USP8: variants seen among roughly 807,000 people sequenced by gnomAD.
USP8 encodes the protein ubiquitin specific peptidase 8, also known as ubiquitin carboxyl-terminal hydrolase 8.
In USP8, 27 loss-of-function variants were observed where a neutral mutation model predicts 130.0. That is an observed-to-expected ratio of 0.21 (90% CI 0.15 to 0.29). The LOEUF (loss-of-function observed/expected upper bound fraction) is 0.29, where lower values mean the gene tolerates loss of function less well. Ranked by LOEUF, USP8 falls within the 10% of genes least tolerant of loss-of-function variation. USP8 has a pLI of 1.00. For synonymous variants in USP8, 392 were observed against 444.1 expected (o/e 0.88, Z 1.48); for missense variants, 1,029 against 1,312.2 (o/e 0.78, Z 3.33).
At chr15:50,493,876 A>C in intron 15 of USP8, 194 bp from the exon 16 acceptor site, 1 of 759,354 alleles carries the variant, frequency 1.3e-6, no homozygotes, top group African/African-American at 1.7e-5. Flanking sequence ...CTTGCAGCCA[A>C]AAGAAGGAAG....
chr15:50,442,099 C>T (rs11857185), intron 3 of USP8, among the ~76,000 whole-genome samples: 3,970 of 151,518 alleles, frequency 0.026, 86 homozygotes, highest in East Asian at 0.095. Flanking sequence ...CTCAGCCTCC[C>T]GAGTAACTGG....
Position 50,507,806 on chromosome 15 carries a change from C to T in USP8, c.*8718C>T, listed in dbSNP as rs779604460. The T allele has an allele frequency of 4.6e-5, 7 of 152,178 alleles. No homozygotes were observed. Among genetic ancestry groups the T allele is most frequent in the Non-Finnish European group, 8.8e-5 (6 of 68,056 alleles). The allele number at this position is 152,178 out of a possible 1,614,324, so 9.4% of individuals were successfully genotyped here. ...TTAGTTTAGGCCAGGCACGGTGGCT[C>T]ATGCCTGTAATCCCAGCACTTTGGG... On this transcript the variant is annotated 3_prime_UTR_variant, in exon 20 of 20. Coordinates refer to ENST00000307179, the MANE Select transcript of USP8 (RefSeq NM_005154.5).
chr15:50,493,968 A>G, intron 15 of USP8, 102 bp from the exon 16 acceptor site: 1 of 1,280,596 alleles, frequency 7.8e-7, no homozygotes, highest in East Asian at 2.3e-5. Context: ...ATGTAGTGCT[A>G]CAGTATGTGA....
At chr15:50,488,762 G>GTA in intron 12 of USP8, among the ~76,000 whole-genome samples, 2 of 151,170 alleles carry the variant, frequency 1.3e-5, no homozygotes. Context: ...TAGTAGAGAT[G>GTA]GGGTTTCACC....
intron 17 of USP8, 30 bp from the exon 18 acceptor site, chr15:50,497,059 G>A (rs371507498): frequency 7.0e-6 from 11 of 1,576,474 alleles, no homozygotes; most frequent in African/African-American, 1.4e-5. Flanking sequence ...TCGAATTAAC[G>A]AGTATCTGCT....
At chr15:50,438,946 A>T (rs988074633) in intron 1 of USP8, 63 bp from the exon 2 acceptor site, 19 of 632,372 alleles carry the variant, frequency 3.0e-5, no homozygotes, top group African/African-American at 1.7e-4. Flanking sequence ...TTTTTTTTTT[A>T]AACTGCTCAC....
At chr15:50,487,181 C>A (rs1436309951) in intron 12 of USP8, among the ~76,000 whole-genome samples, 4 of 151,198 alleles carry the variant, frequency 2.6e-5, no homozygotes, top group Non-Finnish European at 5.9e-5. Flanking sequence ...CCCCAATAAC[C>A]TATGGAAAAA....
At chr15:50,485,782 CCT>C (rs962998290) in intron 12 of USP8, among the ~76,000 whole-genome samples, 1 of 151,738 alleles carries the variant, frequency 6.6e-6, no homozygotes, top group African/African-American at 2.4e-5. Context: ...CCACTACCTC[CCT>C]CTCATACCAA....
intron 6 of USP8, among the ~76,000 whole-genome samples, chr15:50,464,594 C>A (rs867793288): frequency 6.6e-6 from 1 of 152,200 alleles, no homozygotes; most frequent in Non-Finnish European, 1.5e-5. Flanking sequence ...TGGTGGCTCA[C>A]GCCTGTAATC....
intron 1 of USP8, among the ~76,000 whole-genome samples, chr15:50,424,875 C>G (rs778219738): frequency 7.3e-5 from 11 of 151,268 alleles, no homozygotes; most frequent in Non-Finnish European, 1.5e-4. Context: ...CTTACTGTAG[C>G]TCCTAAAACT....
In USP8 at chr15:50,502,976, T is replaced by C. The variant is rs1271630178; in HGVS notation, c.*3888T>C. On this transcript the variant is annotated 3_prime_UTR_variant, in exon 20 of 20. Coordinates refer to ENST00000307179, the MANE Select transcript of USP8 (RefSeq NM_005154.5). The stretch of plus-strand genomic sequence containing the variant: ...AGGGCTAGTACACAGGAGTTATTTA[T>C]TCAATATTCCCTTCAACCTTCGTCT... 6.6e-6 allele frequency: 1 copy of C among 152,248 alleles called. No individual in the cohort carries two copies. Among genetic ancestry groups the C allele is most frequent in the African/African-American group, 2.4e-5 (1 of 41,464 alleles). 9.4% of individuals were successfully genotyped at this position (152,248 alleles called of 1,614,324 possible). A position where few individuals can be genotyped will look rare whatever the true frequency, so the allele number is the denominator to read the frequency against.
chr15:50,433,308 T>G (rs981871716), intron 1 of USP8, among the ~76,000 whole-genome samples: 2 of 152,200 alleles, frequency 1.3e-5, no homozygotes, highest in East Asian at 3.8e-4. Flanking sequence ...TAGAGTGGAT[T>G]ATGAGATTTA....
At chr15:50,489,332 C>G (rs2052074671) in intron 12 of USP8, among the ~76,000 whole-genome samples, 3 of 152,096 alleles carry the variant, frequency 2.0e-5, no homozygotes, top group Non-Finnish European at 2.9e-5. Context: ...CGTCTATTCT[C>G]TACTTACACC....
Position 50,513,518 on chromosome 15 carries a change from TAAAAAAAAAAAA to T in USP8, c.*14439_*14450del, listed in dbSNP as rs35523535. The T allele has an allele frequency of 1.2e-5, 1 of 85,980 alleles. No individual in the cohort carries two copies. The highest frequency in any genetic ancestry group is 2.3e-5 in the Non-Finnish European group (1 of 42,744). 5.3% of individuals were successfully genotyped at this position (85,980 alleles called of 1,614,324 possible). ...AGTTCGAGACAAGAGCGAAACTGTC[TAAAAAAAAAAAA>T]AAAAAAAAGAGTGAAGAATCAAGCC... On this transcript the variant is annotated 3_prime_UTR_variant, in exon 20 of 20. Coordinates refer to ENST00000307179, the MANE Select transcript of USP8 (RefSeq NM_005154.5).
intron 13 of USP8, 92 bp from the exon 14 acceptor site, chr15:50,490,171 A>C: frequency 7.5e-7 from 1 of 1,337,244 alleles, no homozygotes; most frequent in Non-Finnish European, 1.0e-6. Context: ...ATCCAAAAGT[A>C]AATTTAGCAG....
intron 1 of USP8, among the ~76,000 whole-genome samples, chr15:50,433,100 G>T (rs1333819421): frequency 6.6e-6 from 1 of 152,118 alleles, no homozygotes; most frequent in African/African-American, 2.4e-5. Flanking sequence ...AATTAGTGGG[G>T]CATGGTGGCG....
chr15:50,445,569 A>AAAAAAAAAAAAAAAAAAAT, intron 3 of USP8, among the ~76,000 whole-genome samples: 1 of 128,386 alleles, frequency 7.8e-6, no homozygotes, highest in Non-Finnish European at 1.6e-5. Context: ...AAAAAAAAAA[A>AAAAAAAAAAAAAAAAAAAT]GCCTGGGCAC....
At position 50,511,382 on chromosome 15, in the gene USP8, T is replaced by G. The variant is rs1340052628; in HGVS notation, c.*12294T>G. 1 of 152,148 alleles carries G rather than the reference T, an allele frequency of 6.6e-6. No individual in the cohort carries two copies. The highest frequency in any genetic ancestry group is 1.9e-4 in the East Asian group (1 of 5,190). The allele number at this position is 152,148 out of a possible 1,614,324, so 9.4% of individuals were successfully genotyped here. On this transcript the variant is annotated 3_prime_UTR_variant, in exon 20 of 20. Coordinates refer to ENST00000307179, the MANE Select transcript of USP8 (RefSeq NM_005154.5). The stretch of plus-strand genomic sequence containing the variant: ...ACAATTTGGCAGTTCCTCAAAAAAT[T>G]AACCAGAGTTACCATATGACCCAGA...
intron 11 of USP8, 138 bp from the exon 12 acceptor site, chr15:50,484,137 A>G: frequency 1.8e-6 from 1 of 568,614 alleles, no homozygotes; most frequent in Non-Finnish European, 3.0e-6. Context: ...ACAGTAAAAT[A>G]TAATAAAATT....
Sources: gnomAD v4.1 joint callset for allele counts (sites outside exome capture counted in the v4.1 genomes callset) on GRCh38, gnomAD v4.1.1 for gene constraint, MANE v1.5 for transcripts, NCBI Gene and HGNC (gene_info 2026-07-23, HGNC 2026-07-21) for gene names.